Variants in PLXDC2 observed in about 807,000 individuals in gnomAD.
The protein encoded by PLXDC2 is plexin domain-containing protein 2.
In PLXDC2, 40 loss-of-function variants were observed where a neutral mutation model predicts 68.9. That is an observed-to-expected ratio of 0.58 (90% CI 0.45 to 0.76). The LOEUF is 0.76. Ranked by LOEUF, PLXDC2 falls within the 30% of genes least tolerant of loss-of-function variation. The pLI is 0.00. For synonymous variants in PLXDC2, 243 were observed against 234.2 expected (o/e 1.04, Z -0.34); for missense variants, 644 against 661.9 (o/e 0.97, Z 0.30).
intron 4 of PLXDC2, among the ~76,000 whole-genome samples, chr10:20,080,070 C>G (rs1413499584): frequency 1.3e-5 from 2 of 152,084 alleles, no homozygotes; most frequent in Non-Finnish European, 2.9e-5. Context: ...AGAACTGTAA[C>G]AACTAAACAA....
intron 4 of PLXDC2, chr10:20,091,779 T>G (rs1235419044): frequency 6.6e-6 from 1 of 152,490 alleles, no homozygotes; most frequent in Non-Finnish European, 1.5e-5. Context: ...GATGCACTTC[T>G]GCACAGAAAC....
At chr10:19,917,804 C>A (rs569983681) in intron 1 of PLXDC2, among the ~76,000 whole-genome samples, 3 of 152,196 alleles carry the variant, frequency 2.0e-5, no homozygotes, top group African/African-American at 4.8e-5. Flanking sequence ...AAATTAAATG[C>A]CTATATTCTG....
chr10:20,104,065 G>A (rs566435769), intron 4 of PLXDC2, among the ~76,000 whole-genome samples: 3 of 152,280 alleles, frequency 2.0e-5, no homozygotes, highest in African/African-American at 7.2e-5. Context: ...GATTATTTCT[G>A]CTTTCACAGT....
chr10:20,175,189 A>T (rs996879810), intron 7 of PLXDC2, among the ~76,000 whole-genome samples: 1 of 152,212 alleles, frequency 6.6e-6, no homozygotes, highest in Non-Finnish European at 1.5e-5. Flanking sequence ...AGCATTTACA[A>T]TGTGAAAGGG....
chr10:20,271,164 C>CACACACACACACAA (rs1835936196), intron 13 of PLXDC2, among the ~76,000 whole-genome samples: 1 of 151,670 alleles, frequency 6.6e-6, no homozygotes, highest in African/African-American at 2.4e-5. Flanking sequence ...CACACACACA[C>CACACACACACACAA]AAACAGAGCA....
In PLXDC2 at chr10:20,261,519, G is replaced by T. The variant is rs146815611; in HGVS notation, c.1473+16014G>T. 6.6e-5 allele frequency among the ~76,000 whole-genome samples: 10 copies of T among 152,234 alleles called. No homozygotes were observed. In the East Asian group the frequency reaches 1.7e-3, roughly 26 times the overall value. On this transcript the variant is annotated intron_variant, in intron 13 of 13. Coordinates refer to ENST00000377252, the MANE Select transcript of PLXDC2 (RefSeq NM_032812.9). Reference sequence around the variant, plus strand: ...TAAATTCACACAAAAATGAGCAAAAGAAAATTTTGGACATGGAATCTCATG... The same window carrying T: ...TAAATTCACACAAAAATGAGCAAAATAAAATTTTGGACATGGAATCTCATG...
At chr10:20,181,558 G>A (rs1021166770) in intron 9 of PLXDC2, among the ~76,000 whole-genome samples, 2 of 151,990 alleles carry the variant, frequency 1.3e-5, no homozygotes, top group South Asian at 4.1e-4. Flanking sequence ...CTGAATGATG[G>A]GTAGGCAGCT....
In PLXDC2 at chr10:20,273,326, C is replaced by T. The variant is rs770096113; in HGVS notation, c.1474-6377C>T. On this transcript the variant is annotated intron_variant, in intron 13 of 13. Transcript: ENST00000377252. The stretch of plus-strand genomic sequence containing the variant: ...AAAGTTCAAAACAAGAAAATCTTCT[C>T]GTCTGTGTTCCTTTATAGCCATTAT... Among the ~76,000 whole-genome samples the T allele has an allele frequency of 7.2e-5, 11 of 152,184 alleles. No individual in the cohort carries two copies. The South Asian group carries it at 1.2e-3, about 17-fold the overall frequency.
chr10:20,159,350 T>C (rs1397008686), intron 6 of PLXDC2, among the ~76,000 whole-genome samples: 2 of 152,174 alleles, frequency 1.3e-5, no homozygotes, highest in Non-Finnish European at 2.9e-5. Context: ...ACTCTGCTTT[T>C]GTCCCTCGCT....
intron 9 of PLXDC2, among the ~76,000 whole-genome samples, chr10:20,202,352 A>C (rs1834932211): frequency 6.6e-6 from 1 of 152,216 alleles, no homozygotes; most frequent in Non-Finnish European, 1.5e-5. Flanking sequence ...AAGATTTCAG[A>C]AATCTCATAC....
intron 1 of PLXDC2, among the ~76,000 whole-genome samples, chr10:19,930,028 G>A (rs1833599770): frequency 6.7e-6 from 1 of 149,148 alleles, no homozygotes; most frequent in Admixed American, 6.6e-5. Flanking sequence ...GAGCATAGAT[G>A]CTCATTTATT....
intron 1 of PLXDC2, among the ~76,000 whole-genome samples, chr10:19,826,179 T>G (rs1263717774): frequency 1.3e-5 from 2 of 152,226 alleles, no homozygotes; most frequent in East Asian, 3.8e-4. Context: ...TTCAACCTCC[T>G]AATTATTTTG....
chr10:20,092,885 C>T (rs1833298721), intron 4 of PLXDC2, among the ~76,000 whole-genome samples: 1 of 151,944 alleles, frequency 6.6e-6, no homozygotes, highest in African/African-American at 2.4e-5. Flanking sequence ...GATGCCAGCC[C>T]CCAACAGAAG....
At chr10:20,133,845 G>A (rs1833900416) in intron 4 of PLXDC2, among the ~76,000 whole-genome samples, 1 of 151,920 alleles carries the variant, frequency 6.6e-6, no homozygotes, top group South Asian at 2.1e-4. Flanking sequence ...TGAATATATT[G>A]GTTCACTTAA....
intron 5 of PLXDC2, among the ~76,000 whole-genome samples, chr10:20,146,421 CTTTCTTTCTT>C (rs1218443851): frequency 5.9e-4 from 87 of 148,342 alleles, no homozygotes; most frequent in African/African-American, 2.1e-3. Context: ...CCTTTTCTTT[CTTTCTTTCTT>C]TTTCTTTCTT....
intron 1 of PLXDC2, among the ~76,000 whole-genome samples, chr10:19,884,972 G>A (rs1837814411): frequency 6.6e-6 from 1 of 152,210 alleles, no homozygotes; most frequent in African/African-American, 2.4e-5. Flanking sequence ...CCCACCAACA[G>A]TGTAGAAGTG....
chr10:20,113,546 A>C (rs1373030700), intron 4 of PLXDC2, among the ~76,000 whole-genome samples: 1 of 152,190 alleles, frequency 6.6e-6, no homozygotes, highest in East Asian at 1.9e-4. Context: ...TGAGATAGAC[A>C]GCGAATTATT....
chr10:20,138,307 G>A (rs1229596491), intron 4 of PLXDC2, among the ~76,000 whole-genome samples: 2 of 152,098 alleles, frequency 1.3e-5, no homozygotes, highest in African/African-American at 2.4e-5. Context: ...CTGTCATCTG[G>A]TGGCAATTTT....
At chr10:20,276,872 C>T (rs1210671439) in intron 13 of PLXDC2, among the ~76,000 whole-genome samples, 6 of 152,112 alleles carry the variant, frequency 3.9e-5, no homozygotes, top group Admixed American at 2.6e-4. Context: ...TCCCCGTACT[C>T]TGGGTAGGTG....
Sources: allele counts gnomAD v4.1 joint callset (sites outside exome capture counted in the v4.1 genomes callset), GRCh38; gene constraint gnomAD v4.1.1; transcripts MANE v1.5; gene names NCBI Gene and HGNC (gene_info 2026-07-23, HGNC 2026-07-21).